Variants in MAP3K13 observed in about 807,000 individuals in gnomAD.
The protein encoded by MAP3K13 is leucine zipper-bearing kinase.
A neutral mutation model predicts 104.0 loss-of-function variants in MAP3K13; 52 were observed. The observed-to-expected ratio is 0.50, with a 90% CI of 0.40 to 0.63. The LOEUF is 0.63. MAP3K13 is among the 20% of genes least tolerant of loss of function. The probability of loss-of-function intolerance (pLI) is 0.00; values close to 1 mark genes in which losing one functional copy is unlikely to be tolerated. For synonymous variants in MAP3K13, 394 were observed against 442.2 expected, an observed-to-expected ratio of 0.89 and a Z score of 1.37; for missense variants, 914 against 1,218.5, an observed-to-expected ratio of 0.75 and a Z score of 3.72.
intron 1 of MAP3K13, among the ~76,000 whole-genome samples, chr3:185,390,511 T>G (rs1711977684): frequency 6.6e-6 from 1 of 152,172 alleles, no homozygotes; most frequent in African/African-American, 2.4e-5. Flanking sequence ...TAGACAACCC[T>G]TAGAGAATAG....
chr3:185,470,941 T>A (rs1408347966), intron 10 of MAP3K13, among the ~76,000 whole-genome samples: 2 of 152,238 alleles, frequency 1.3e-5, no homozygotes, highest in Non-Finnish European at 2.9e-5. Flanking sequence ...AATGTATCCA[T>A]GTCAATACCG....
At chr3:185,459,095 C>A (rs1289280183) in intron 7 of MAP3K13, among the ~76,000 whole-genome samples, 1 of 152,168 alleles carries the variant, frequency 6.6e-6, no homozygotes, top group Non-Finnish European at 1.5e-5. Context: ...CTAGTGTTCT[C>A]TTGAGTGCCA....
intron 1 of MAP3K13, among the ~76,000 whole-genome samples, chr3:185,425,624 C>T (rs1332372328): frequency 2.6e-5 from 4 of 152,284 alleles, no homozygotes; most frequent in Admixed American, 1.3e-4. Context: ...GCTTAAAATT[C>T]CTTAATGGCT....
chr3:185,311,378 T>C (rs911175053), intron 2 of MAP3K13, among the ~76,000 whole-genome samples: 3 of 152,104 alleles, frequency 2.0e-5, no homozygotes, highest in Admixed American at 6.5e-5. Context: ...TCATAAGAGA[T>C]TATTCACTAT....
intron 2 of MAP3K13, among the ~76,000 whole-genome samples, chr3:185,432,130 A>C (rs1714774237): frequency 6.6e-6 from 1 of 152,092 alleles, no homozygotes; most frequent in African/African-American, 2.4e-5. Context: ...TAAAATAAAG[A>C]AGAAAATTAA....
intron 2 of MAP3K13, among the ~76,000 whole-genome samples, chr3:185,289,344 T>C (rs1720649736): frequency 6.6e-6 from 1 of 152,160 alleles, no homozygotes; most frequent in Non-Finnish European, 1.5e-5. Flanking sequence ...CTAAAAACTT[T>C]TTTATAGTGT....
At chr3:185,385,365 G>T (rs968764806) in intron 1 of MAP3K13, among the ~76,000 whole-genome samples, 3 of 152,072 alleles carry the variant, frequency 2.0e-5, no homozygotes, top group Non-Finnish European at 4.4e-5. Flanking sequence ...TAGAGATGGG[G>T]TTTTGCCATG....
chr3:185,385,181 C>T (rs565769692), intron 1 of MAP3K13, among the ~76,000 whole-genome samples: 1 of 152,200 alleles, frequency 6.6e-6, no homozygotes, highest in African/African-American at 2.4e-5. Context: ...GGCAAAGTCT[C>T]ACTCTGTCTC....
intron 2 of MAP3K13, among the ~76,000 whole-genome samples, chr3:185,309,078 G>A (rs904406136): frequency 6.6e-6 from 1 of 152,102 alleles, no homozygotes; most frequent in Non-Finnish European, 1.5e-5. Context: ...ATTCCAGTGT[G>A]ATCTCATCTT....
chr3:185,428,937 A>G lies in MAP3K13; in HGVS notation c.356A>G (p.Gln119Arg). The part of the protein sequence containing the change: ...STSGTEDIKI[Q>R]FSRSGSGSGG... ...AGCGGAACTGAAGACATAAAGATTC[A>G]GTTCAGCAGGTCAGGCAGTGGCAGT... The change falls in exon 2 of 14, where the codon CAG becomes CGG. Residue 119 changes from glutamine to arginine, a missense_variant. Transcript: ENST00000265026. 2 of 1,614,196 alleles carry G rather than the reference A, an allele frequency of 1.2e-6. No individual in the cohort carries two copies. The highest frequency in any genetic ancestry group is 1.7e-6 in the Non-Finnish European group (2 of 1,180,034).
intron 7 of MAP3K13, among the ~76,000 whole-genome samples, chr3:185,457,581 TC>T (rs1444993307): frequency 6.6e-6 from 1 of 152,104 alleles, no homozygotes; most frequent in Non-Finnish European, 1.5e-5. Flanking sequence ...CCTAATTACT[TC>T]CCCAAAGCCC....
intron 1 of MAP3K13, among the ~76,000 whole-genome samples, chr3:185,381,480 C>CA (rs912928198): frequency 6.6e-6 from 1 of 152,106 alleles, no homozygotes; most frequent in East Asian, 1.9e-4. Flanking sequence ...CACACAACAG[C>CA]AAAAAAACTG....
upstream of MAP3K13, among the ~76,000 whole-genome samples, chr3:185,360,319 C>T (rs1031068193): frequency 1.3e-5 from 2 of 152,164 alleles, no homozygotes; most frequent in African/African-American, 2.4e-5. Context: ...TTCACTTCCT[C>T]AAGAACACTA....
At chr3:185,292,691 C>T (rs1316131013) in intron 2 of MAP3K13, 3 of 985,308 alleles carry the variant, frequency 3.0e-6, no homozygotes, top group African/African-American at 3.5e-5. Flanking sequence ...GTGATTTAAA[C>T]TCACTGAAAG....
intron 2 of MAP3K13, among the ~76,000 whole-genome samples, chr3:185,435,937 T>C (rs1715005150): frequency 6.6e-6 from 1 of 152,212 alleles, no homozygotes; most frequent in South Asian, 2.1e-4. Context: ...TTCCATGTTC[T>C]GCAAACACTG....
Position 185,484,328 on chromosome 3 carries a change from T to G in MAP3K13, c.*1872T>G, listed in dbSNP as rs566348267. The G allele has an allele frequency of 3.9e-5, 6 of 152,248 alleles. No homozygotes were observed. In the East Asian group the frequency reaches 1.2e-3, roughly 29 times the overall value. 9.4% of individuals were successfully genotyped at this position (152,248 alleles called of 1,614,324 possible). A position where few individuals can be genotyped will look rare whatever the true frequency, so the allele number is the denominator to read the frequency against. ...TGGTGCCTTGGCCTTAAGGAAAAAT[T>G]TTTTTAGAATTTTATGTACAAATAG... is the stretch of plus-strand genomic sequence containing the variant. On this transcript the variant is annotated 3_prime_UTR_variant, in exon 14 of 14. Transcript: ENST00000265026.
chr3:185,305,340 A>G (rs760731895), intron 2 of MAP3K13, among the ~76,000 whole-genome samples: 6 of 152,172 alleles, frequency 3.9e-5, no homozygotes, highest in African/African-American at 2.4e-5. Flanking sequence ...AATTGTAACA[A>G]TCTATTTTAA....
At chr3:185,370,284 T>TC (rs1724088657) in intron 1 of MAP3K13, among the ~76,000 whole-genome samples, 1 of 152,188 alleles carries the variant, frequency 6.6e-6, no homozygotes, top group African/African-American at 2.4e-5. Flanking sequence ...AACCTCCGTC[T>TC]CCTGGGTTCA....
intron 8 of MAP3K13, 34 bp from the exon 9 acceptor site, chr3:185,465,713 G>T (rs751588456): frequency 2.7e-6 from 4 of 1,498,588 alleles, no homozygotes; most frequent in South Asian, 1.1e-5. Flanking sequence ...CCCGAAGTTG[G>T]TTGGCTGGGC....
Sources: allele counts gnomAD v4.1 joint callset (sites outside exome capture counted in the v4.1 genomes callset), GRCh38; gene constraint gnomAD v4.1.1; transcripts MANE v1.5; gene names NCBI Gene and HGNC (gene_info 2026-07-23, HGNC 2026-07-21).